Variants in GPR15LG observed in about 807,000 individuals in gnomAD.
GPR15LG encodes protein GPR15LG.
At chr10:84,175,897 A>C in the GPR15LG span, among the ~76,000 whole-genome samples, 3 of 149,554 alleles carry the variant, frequency 2.0e-5, no homozygotes, top group Admixed American at 6.6e-5. Flanking sequence ...TCTTTTTTTT[A>C]TTTTTTTGAG....
At chr10:84,184,948 C>A in the GPR15LG span, 6,486 of 1,447,406 alleles carry the variant, frequency 4.5e-3, 23 homozygotes, top group Non-Finnish European at 5.2e-3. Context: ...TCAATTGTGC[C>A]ATCAACTTTC....
chr10:84,176,426 A>G, the GPR15LG span: 1 of 1,273,232 alleles, frequency 7.9e-7, no homozygotes, highest in Non-Finnish European at 1.2e-6. Flanking sequence ...GGGGAAGCTC[A>G]CTCACAGACA....
At chr10:84,175,695 G>A in the GPR15LG span, among the ~76,000 whole-genome samples, 2 of 152,176 alleles carry the variant, frequency 1.3e-5, no homozygotes, top group African/African-American at 2.4e-5. Flanking sequence ...TTGCAGAGAC[G>A]AGGTCTCTCT....
chr10:84,182,348 C>G, the GPR15LG span, among the ~76,000 whole-genome samples: 4 of 152,312 alleles, frequency 2.6e-5, no homozygotes, highest in Admixed American at 2.6e-4. Context: ...CAACCCACTC[C>G]CAATTTTAGT....
At chr10:84,173,915 A>G in the GPR15LG span, 1 of 1,611,128 alleles carries the variant, frequency 6.2e-7, no homozygotes, top group Non-Finnish European at 8.5e-7. Context: ...CATCTTCTCC[A>G]CAGAAGGTAG....
At chr10:84,174,180 A>AAC in the GPR15LG span, among the ~76,000 whole-genome samples, 2 of 152,206 alleles carry the variant, frequency 1.3e-5, no homozygotes, top group East Asian at 3.9e-4. Flanking sequence ...TCGCCATGCA[A>AAC]ACACACATAC....
the GPR15LG span, among the ~76,000 whole-genome samples, chr10:84,178,501 C>T: frequency 6.6e-6 from 1 of 151,866 alleles, no homozygotes; most frequent in Non-Finnish European, 1.5e-5. Flanking sequence ...CAGACACACA[C>T]ACAAATACAT....
chr10:84,180,910 C>T, the GPR15LG span, among the ~76,000 whole-genome samples: 7 of 152,214 alleles, frequency 4.6e-5, no homozygotes, highest in Admixed American at 2.6e-4. Context: ...CATGGCGAAA[C>T]CCCGTCTCCA....
At chr10:84,176,373 T>G in the GPR15LG span, 3 of 812,660 alleles carry the variant, frequency 3.7e-6, no homozygotes, top group African/African-American at 1.7e-5. Flanking sequence ...TGGCTCATCC[T>G]GAGTTTCTCT....
At chr10:84,176,516 G>C in the GPR15LG span, 24 of 1,613,842 alleles carry the variant, frequency 1.5e-5, no homozygotes, top group Admixed American at 2.7e-4. Context: ...TCAGGCAGGA[G>C]AACCAGGCTC....
At chr10:84,178,928 C>T in the GPR15LG span, among the ~76,000 whole-genome samples, 217 of 152,294 alleles carry the variant, frequency 1.4e-3, 1 homozygote, top group African/African-American at 5.1e-3. Context: ...GGGGAGGTCT[C>T]GTCACCATTA....
At chr10:84,176,410 T>G in the GPR15LG span, 56 of 1,121,312 alleles carry the variant, frequency 5.0e-5, no homozygotes, top group Non-Finnish European at 6.6e-5. Flanking sequence ...GCCCTGTGCC[T>G]TGGAAGGGGA....
the GPR15LG span, chr10:84,176,479 G>A: frequency 5.6e-6 from 9 of 1,610,914 alleles, no homozygotes; most frequent in Admixed American, 1.5e-4. Flanking sequence ...TCCACCCTCA[G>A]GGAAGAGGCG....
chr10:84,179,550 G>T, the GPR15LG span, among the ~76,000 whole-genome samples: 1 of 152,320 alleles, frequency 6.6e-6, no homozygotes, highest in Non-Finnish European at 1.5e-5. Flanking sequence ...CAGAAATCTG[G>T]CCTCGTGTGC....
At chr10:84,181,738 T>C in the GPR15LG span, among the ~76,000 whole-genome samples, 1 of 152,218 alleles carries the variant, frequency 6.6e-6, no homozygotes, top group Non-Finnish European at 1.5e-5. Flanking sequence ...CCAGTTCTTT[T>C]AAAGGAAGTT....
At chr10:84,184,650 G>C in the GPR15LG span, 1 of 1,612,176 alleles carries the variant, frequency 6.2e-7, no homozygotes, top group South Asian at 1.1e-5. Context: ...TCCTGTCCTT[G>C]TCCCTCTTGT....
chr10:84,175,343 G>A, the GPR15LG span, among the ~76,000 whole-genome samples: 1 of 152,308 alleles, frequency 6.6e-6, no homozygotes, highest in South Asian at 2.1e-4. Context: ...ACAATTAAAT[G>A]AGGATAGATA....
chr10:84,179,531 G>T, the GPR15LG span, among the ~76,000 whole-genome samples: 3 of 152,226 alleles, frequency 2.0e-5, no homozygotes, highest in Non-Finnish European at 4.4e-5. Flanking sequence ...TGCTGAGTGT[G>T]CCAGGCTCCA....
At chr10:84,185,289 G>C in the GPR15LG span, 1 of 167,438 alleles carries the variant, frequency 6.0e-6, no homozygotes, top group Admixed American at 6.4e-5. Flanking sequence ...ACTCAATGCA[G>C]ACACATCCTT....
Sources: gnomAD v4.1 joint callset for allele counts (sites outside exome capture counted in the v4.1 genomes callset) on GRCh38, gnomAD v4.1.1 for gene constraint, MANE v1.5 for transcripts, NCBI Gene and HGNC (gene_info 2026-07-23, HGNC 2026-07-21) for gene names.